The following DUSP26 variants were observed in gnomAD, a reference collection of about 807,000 sequenced individuals.
DUSP26 encodes dual specificity protein phosphatase 26.
DUSP26 carries 12 observed loss-of-function variants against 20.0 expected under a neutral mutation model. The observed-to-expected ratio is 0.60, with a 90% CI of 0.38 to 0.97. The LOEUF (loss-of-function observed/expected upper bound fraction) is 0.97, where lower values mean the gene tolerates loss of function less well. DUSP26 is among the 50% of genes least tolerant of loss of function. The pLI is 0.00. For synonymous variants in DUSP26, 120 were observed against 118.8 expected (o/e 1.01, Z -0.06); for missense variants, 230 against 294.0 (o/e 0.78, Z 1.59).
In DUSP26 at chr8:33,597,534, C is replaced by G; in HGVS notation, c.-19G>C. 6.3e-7 allele frequency: 1 copy of G among 1,590,642 alleles called. No homozygotes were observed. ...GGCACATCTTAGAGGTGGCAGAAAC[C>G]GTGGCAGCTGCAGGAGTGGCTGTGG... On this transcript the variant is annotated 5_prime_UTR_variant, in exon 2 of 4. Transcript: ENST00000256261.
chr8:33,593,404 T>A (rs1351108034), intron 3 of DUSP26, 129 bp downstream of exon 3: 2 of 1,064,530 alleles, frequency 1.9e-6, no homozygotes, highest in Non-Finnish European at 2.7e-6. Context: ...GAGATAATAT[T>A]TTTTTCTTTC....
In DUSP26 at chr8:33,597,144, C is replaced by T. The variant is rs974601117; in HGVS notation, c.221+151G>A. 1.4e-5 allele frequency: 10 copies of T among 738,054 alleles called. No individual in the cohort carries two copies. In the African/African-American group the frequency reaches 1.8e-4, roughly 13 times the overall value. 45.7% of individuals were successfully genotyped at this position (738,054 alleles called of 1,614,324 possible). On this transcript the variant is annotated intron_variant, in intron 2 of 3. Coordinates refer to ENST00000256261, the MANE Select transcript of DUSP26 (RefSeq NM_024025.3). ...TCCTGGCCAAACTCTCCCAAACCTG[C>T]AGCCTCTACTCTTGGCCCATGTGCC...
rs769310192 is a variant in DUSP26, at chr8:33,592,177, G to A, written c.472C>T (p.Arg158Ter). ...ILVHCAVGVS[R>*]SATLVLAYLM... ...TAGGCCAGTACCAGGGTGGCGGATC[G>A]GCTCACGCCCACAGCACAATGCACC... The change falls in exon 4 of 4, where the codon CGA becomes TGA. Residue 158 changes from arginine (R) to a stop codon, truncating the protein, a stop_gained. Transcript: ENST00000256261. LOFTEE classifies it high-confidence loss of function. 7.4e-6 allele frequency: 12 copies of A among 1,613,446 alleles called. No homozygotes were observed. The highest frequency in any genetic ancestry group is 4.4e-5 in the South Asian group (4 of 90,974).
At chr8:33,593,788 G>A (rs370255931) in intron 2 of DUSP26, 41 bp from the exon 3 acceptor site, 240 of 1,601,630 alleles carry the variant, frequency 1.5e-4, no homozygotes, top group Non-Finnish European at 1.9e-4. Context: ...GGAAAGCCAG[G>A]TTGTTGGGGA....
At position 33,599,744 on chromosome 8, in the gene DUSP26, G is replaced by T. The variant is rs1585382080; in HGVS notation, c.-156C>A. On this transcript the variant is annotated 5_prime_UTR_variant, in exon 1 of 4. Coordinates refer to ENST00000256261, the MANE Select transcript of DUSP26 (RefSeq NM_024025.3). ...ACAGCGCCACGGCCATGACGCTCCT[G>T]CTGCTGTCGCCGCCGCTGTTTCTGC... is the stretch of plus-strand genomic sequence containing the variant. 6.6e-6 allele frequency: 1 copy of T among 152,378 alleles called. No individual in the cohort carries two copies. The highest frequency in any genetic ancestry group is 1.5e-5 in the Non-Finnish European group (1 of 68,140). The allele number at this position is 152,378 out of a possible 1,614,324, so 9.4% of individuals were successfully genotyped here. A position where few individuals can be genotyped will look rare whatever the true frequency, so the allele number is the denominator to read the frequency against.
intron 3 of DUSP26, 144 bp downstream of exon 3, chr8:33,593,389 T>C (rs1229294301): frequency 1.1e-6 from 1 of 940,430 alleles, no homozygotes; most frequent in Admixed American, 2.9e-5. Context: ...TTTAAAAAAA[T>C]GGTTGAGATA....
In DUSP26 at chr8:33,599,872, C is replaced by G. The variant is rs1230576757; in HGVS notation, c.-284G>C. On this transcript the variant is annotated 5_prime_UTR_variant, in exon 1 of 4. Transcript: ENST00000256261. ...CGCTGGTGACATAAAGGGACTCGGTCTCACATTCGGTGGCCCGAGTCGCCA... is the reference window on the plus strand; with the variant it reads ...CGCTGGTGACATAAAGGGACTCGGTGTCACATTCGGTGGCCCGAGTCGCCA... 1.3e-5 allele frequency: 2 copies of G among 152,202 alleles called. No individual in the cohort carries two copies. Among genetic ancestry groups the G allele is most frequent in the South Asian group, 4.1e-4 (2 of 4,826 alleles). The allele number at this position is 152,202 out of a possible 1,614,324, so 9.4% of individuals were successfully genotyped here. A position where few individuals can be genotyped will look rare whatever the true frequency, so the allele number is the denominator to read the frequency against.
At chr8:33,592,538 C>CA (rs745687703) in intron 3 of DUSP26, among the ~76,000 whole-genome samples, 10,933 of 23,726 alleles carry the variant, frequency 0.46, 2,927 homozygotes, top group Non-Finnish European at 0.55. Flanking sequence ...AACCCCATCT[C>CA]AAAAAAAAAA....
At position 33,597,283 on chromosome 8, in the gene DUSP26, C is replaced by G. The variant is rs745791396; in HGVS notation, c.221+12G>C. On this transcript the variant is annotated intron_variant, in intron 2 of 3. Transcript: ENST00000256261. ...CACGCTCTACCGTGGGCCCAGTCTG[C>G]CCGATACATACTGGTCTCCGAGATA... 6.2e-7 allele frequency: 1 copy of G among 1,603,048 alleles called. No individual in the cohort carries two copies. The highest frequency in any genetic ancestry group is 8.5e-7 in the Non-Finnish European group (1 of 1,175,172).
At chr8:33,597,060 A>G (rs1340877127) in intron 2 of DUSP26, among the ~76,000 whole-genome samples, 2 of 151,938 alleles carry the variant, frequency 1.3e-5, no homozygotes, top group African/African-American at 4.8e-5. Flanking sequence ...CAGCCTTTCA[A>G]ACTGCTGGGA....
At chr8:33,595,818 A>G (rs1430908966) in intron 2 of DUSP26, among the ~76,000 whole-genome samples, 1 of 152,120 alleles carries the variant, frequency 6.6e-6, no homozygotes, top group African/African-American at 2.4e-5. Context: ...CTCCTTAAGC[A>G]GAAAGAGCAC....
intron 3 of DUSP26, 71 bp downstream of exon 3, chr8:33,593,462 C>T: frequency 1.3e-6 from 2 of 1,545,404 alleles, no homozygotes; most frequent in Admixed American, 1.8e-5. Flanking sequence ...TCTCACTCCA[C>T]TCTCAGACCC....
In DUSP26 at chr8:33,597,604, G is replaced by A; in HGVS notation, c.-76-13C>T. On this transcript the variant is annotated splice_polypyrimidine_tract_variant and intron_variant, in intron 1 of 3. Coordinates refer to ENST00000256261, the MANE Select transcript of DUSP26 (RefSeq NM_024025.3). ...CAGGTAGCTGCTGCTGGAAGAGGAA[G>A]GGGTGTGAGACACACTTGAGTGAGT... The A allele has an allele frequency of 8.4e-7, 1 of 1,188,158 alleles. No homozygotes were observed. The highest frequency in any genetic ancestry group is 1.5e-5 in the South Asian group (1 of 68,810). 73.6% of individuals were successfully genotyped at this position (1,188,158 alleles called of 1,614,324 possible). A position where few individuals can be genotyped will look rare whatever the true frequency, so the allele number is the denominator to read the frequency against.
chr8:33,593,109 T>G (rs542169192), intron 3 of DUSP26, among the ~76,000 whole-genome samples: 15 of 152,170 alleles, frequency 9.9e-5, no homozygotes, highest in Admixed American at 2.6e-4. Flanking sequence ...ATGTCTCTAT[T>G]AAAAATACAA....
intron 3 of DUSP26, 91 bp downstream of exon 3, chr8:33,593,442 G>T: frequency 7.2e-7 from 1 of 1,391,712 alleles, no homozygotes; most frequent in Non-Finnish European, 9.8e-7. Flanking sequence ...ATTTTGTCAT[G>T]TCACTAAAAT....
intron 3 of DUSP26, among the ~76,000 whole-genome samples, chr8:33,592,562 A>T (rs1398910620): frequency 1.3e-5 from 2 of 150,752 alleles, no homozygotes; most frequent in Non-Finnish European, 3.0e-5. Flanking sequence ...AAAAAAAAAA[A>T]AAAGGGTGAC....
chr8:33,592,014 C>G lies in DUSP26; in HGVS notation c.635G>C (p.Ter212SerextTer21). 1 of 1,613,410 alleles carries G rather than the reference C, an allele frequency of 6.2e-7. No homozygotes were observed. The highest frequency in any genetic ancestry group is 8.5e-7 in the Non-Finnish European group (1 of 1,180,004). Residue 212 changes from the stop codon to serine (S), a stop_lost, in exon 4 of 4, where the codon TGA becomes TCA. Coordinates refer to ENST00000256261, the MANE Select transcript of DUSP26 (RefSeq NM_024025.3). ...GGCCTGACCTCTCTCCCCCTCCCCTCATGCTTCCAGACCCTGCCGCAGCCT... is the reference window on the plus strand; with the variant it reads ...GGCCTGACCTCTCTCCCCCTCCCCTGATGCTTCCAGACCCTGCCGCAGCCT... Reference protein sequence around the residue: ...DRRLRQGLEA* With the variant: ...DRRLRQGLEAS
chr8:33,595,066 G>C (rs981133520), intron 2 of DUSP26, among the ~76,000 whole-genome samples: 1 of 152,158 alleles, frequency 6.6e-6, no homozygotes, highest in African/African-American at 2.4e-5. Flanking sequence ...TAATGGTGGA[G>C]TCTAGCTGAG....
intron 1 of DUSP26, 159 bp from the exon 2 acceptor site, chr8:33,597,750 C>A: frequency 2.1e-6 from 1 of 474,842 alleles, no homozygotes; most frequent in Middle Eastern, 5.7e-4. Context: ...GCTGCAGCAG[C>A]TCCTTTTGCT....
Sources: allele counts gnomAD v4.1 joint callset (sites outside exome capture counted in the v4.1 genomes callset), GRCh38; gene constraint gnomAD v4.1.1; transcripts MANE v1.5; gene names NCBI Gene and HGNC (gene_info 2026-07-23, HGNC 2026-07-21).